The following VPS9D1 variants were observed in gnomAD, a reference collection of about 807,000 sequenced individuals.
The protein encoded by VPS9D1 is VPS9 domain-containing protein 1.
Under a neutral mutation model 75.8 loss-of-function variants are expected in VPS9D1, and 78 were observed. The observed-to-expected ratio is 1.03, with a 90% CI of 0.86 to 1.24. The LOEUF (loss-of-function observed/expected upper bound fraction) is 1.24, where lower values mean the gene tolerates loss of function less well. Ranked by LOEUF, VPS9D1 falls within the 50% of genes most tolerant of loss-of-function variation. VPS9D1 has a pLI of 0.00. For synonymous variants in VPS9D1, 481 were observed against 385.6 expected, an observed-to-expected ratio of 1.25 and a Z score of -2.90; for missense variants, 1,057 against 847.7, an observed-to-expected ratio of 1.25 and a Z score of -3.07.
chr16:89,714,347 C>G (rs372286631), intron 4 of VPS9D1, among the ~76,000 whole-genome samples: 1 of 152,256 alleles, frequency 6.6e-6, no homozygotes, highest in Middle Eastern at 3.4e-3. Flanking sequence ...AGATTGGACA[C>G]CCCTGCTTTA....
chr16:89,708,786 A>G, intron 13 of VPS9D1, 71 bp downstream of exon 13: 1 of 1,414,652 alleles, frequency 7.1e-7, no homozygotes, highest in Non-Finnish European at 9.5e-7. Flanking sequence ...GCAGGAAGAT[A>G]GTCCCTCCCG....
chr16:89,717,830 C>T (rs543899489), intron 2 of VPS9D1: 1 of 456,698 alleles, frequency 2.2e-6, no homozygotes, highest in South Asian at 1.5e-5. Context: ...TTAGCTCCCC[C>T]TGACCTGTGT....
intron 1 of VPS9D1, chr16:89,720,446 C>T (rs980492724): frequency 5.6e-6 from 6 of 1,064,302 alleles, no homozygotes; most frequent in African/African-American, 1.7e-5. Context: ...CACGGACCTG[C>T]CCGTCACTCG....
In VPS9D1 at chr16:89,709,924, G is replaced by A. The variant is rs748293854; in HGVS notation, c.1259-18C>T. The A allele has an allele frequency of 2.0e-5, 32 of 1,586,406 alleles. No homozygotes were observed. Among genetic ancestry groups the A allele is most frequent in the South Asian group, 8.1e-5 (7 of 86,848 alleles). On this transcript the variant is annotated intron_variant, in intron 10 of 14. Transcript: ENST00000389386. ...CAGCCTGTCTGCTAGGAACAGAGCC[G>A]GGGACGTCCACAGAGGCTCCTCCCC...
intron 2 of VPS9D1, 40 bp downstream of exon 2, chr16:89,718,987 T>G: frequency 6.3e-7 from 1 of 1,576,084 alleles, no homozygotes; most frequent in Non-Finnish European, 8.7e-7. Context: ...GTGCTGGGAT[T>G]ACAGGCGTGA....
chr16:89,711,577 C>G (rs1329906724), intron 8 of VPS9D1, 165 bp from the exon 9 acceptor site: 3 of 698,632 alleles, frequency 4.3e-6, no homozygotes, highest in Non-Finnish European at 7.1e-6. Flanking sequence ...CCACCCACAC[C>G]CGAGGGAAAC....
At position 89,711,021 on chromosome 16, in the gene VPS9D1, A is replaced by G; in HGVS notation, c.834-11T>C. 1 of 1,435,980 alleles carries G rather than the reference A, an allele frequency of 7.0e-7. No homozygotes were observed. Among genetic ancestry groups the G allele is most frequent in the Non-Finnish European group, 9.1e-7 (1 of 1,100,022 alleles). 89.0% of individuals were successfully genotyped at this position (1,435,980 alleles called of 1,614,324 possible). A position where few individuals can be genotyped will look rare whatever the true frequency, so the allele number is the denominator to read the frequency against. On this transcript the variant is annotated splice_polypyrimidine_tract_variant and intron_variant, in intron 9 of 14. Coordinates refer to ENST00000389386, the MANE Select transcript of VPS9D1 (RefSeq NM_004913.3). ...GGGTGGTCGGGGAGGCTGCGGGAGA[A>G]GAGGACGTGAGAACGCGGCCAGCCT...
At chr16:89,714,316 G>T (rs576979575) in intron 4 of VPS9D1, among the ~76,000 whole-genome samples, 1 of 152,058 alleles carries the variant, frequency 6.6e-6, no homozygotes, top group African/African-American at 2.4e-5. Flanking sequence ...AATTCTTCCA[G>T]TGTGGCCCAG....
chr16:89,712,295 G>T, intron 6 of VPS9D1, 165 bp downstream of exon 6: 1 of 1,321,198 alleles, frequency 7.6e-7, no homozygotes. Context: ...GGGGGACGGC[G>T]GCCGGGCCTT....
At position 89,708,927 on chromosome 16, in the gene VPS9D1, CACAG is replaced by C; in HGVS notation, c.1623_1626del (p.Cys542ArgfsTer38). The C allele has an allele frequency of 6.2e-7, 1 of 1,604,650 alleles. No individual in the cohort carries two copies. The highest frequency in any genetic ancestry group is 1.1e-5 in the South Asian group (1 of 89,566). On this transcript the variant is annotated frameshift_variant, in exon 13 of 15. Transcript: ENST00000389386. LOFTEE classifies it high-confidence loss of function. ...TCTGGGGTGGGGCAGTAGTCTTCCG[CACAG>C]ACACAGATGATCCGCAGGGTCCGCA...
chr16:89,711,404 C>T lies in VPS9D1; in HGVS notation c.756G>A (p.Pro252=), dbSNP rs748006916. 2.5e-6 allele frequency: 4 copies of T among 1,607,552 alleles called. No homozygotes were observed. In the Admixed American group the frequency reaches 6.8e-5, roughly 27 times the overall value. ...TCTTGAGCTTGGCCTTCCAGTGCTT[C>T]GGCCAGTCCTACGGGACAGGGGGCC... ...ILEYEQDHDW[P]KHWKAKLKRN... The change falls in exon 9 of 15, where the codon CCG becomes CCA. Residue 252 remains proline (P), a synonymous_variant. Transcript: ENST00000389386.
At position 89,710,848 on chromosome 16, in the gene VPS9D1, A is replaced by G. The variant is rs2060899543; in HGVS notation, c.996T>C (p.His332=). ...SRRLRPSQSL[H]CMLSPPEPSA... Reference sequence around the variant, plus strand: ...TGGGCTCGGGCGGGGACAGCATGCAATGGAGGCTCTGCGAGGGCCGCAGCC... The same window carrying G: ...TGGGCTCGGGCGGGGACAGCATGCAGTGGAGGCTCTGCGAGGGCCGCAGCC... Residue 332 remains histidine, a synonymous_variant, in exon 10 of 15, where the codon CAT becomes CAC. Transcript: ENST00000389386. 2.8e-5 allele frequency: 42 copies of G among 1,518,418 alleles called. No individual in the cohort carries two copies. The highest frequency in any genetic ancestry group is 3.5e-5 in the Non-Finnish European group (39 of 1,130,410). 94.1% of individuals were successfully genotyped at this position (1,518,418 alleles called of 1,614,324 possible).
rs534027908 is a variant in VPS9D1, at chr16:89,714,162, T to A, written c.432-1446A>T. Among the ~76,000 whole-genome samples the A allele has an allele frequency of 5.3e-5, 8 of 152,240 alleles. No individual in the cohort carries two copies. The South Asian group carries it at 1.0e-3, about 20-fold the overall frequency. ...CATGTTGGCCAGGCTGATCTCGAAC[T>A]CCTGACCTCAGGTAATCTGCCCGCC... On this transcript the variant is annotated intron_variant, in intron 4 of 14. Coordinates refer to ENST00000389386, the MANE Select transcript of VPS9D1 (RefSeq NM_004913.3).
intron 2 of VPS9D1, chr16:89,718,286 C>T (rs1020843788): frequency 1.7e-5 from 6 of 357,958 alleles, no homozygotes; most frequent in African/African-American, 6.4e-5. Flanking sequence ...CTGGCCACTG[C>T]CATCCTCAGT....
chr16:89,711,413 C>T lies in VPS9D1; in HGVS notation c.748-1G>A. 1 of 1,604,810 alleles carries T rather than the reference C, an allele frequency of 6.2e-7. No homozygotes were observed. The highest frequency in any genetic ancestry group is 1.3e-5 in the African/African-American group (1 of 74,860). ...TGGCCTTCCAGTGCTTCGGCCAGTC[C>T]TACGGGACAGGGGGCCTTGAAGGAA... On this transcript the variant is annotated splice_acceptor_variant, in intron 8 of 14. Transcript: ENST00000389386. LOFTEE classifies it high-confidence loss of function.
At position 89,712,541 on chromosome 16, in the gene VPS9D1, G is replaced by A. The variant is rs746365214; in HGVS notation, c.544-19C>T. The stretch of plus-strand genomic sequence containing the variant: ...AGAGGGTCTGGGGGGGGAGGAGGGA[G>A]TAAGGCCGACTCCCCTCTGCCCCGC... On this transcript the variant is annotated intron_variant, in intron 5 of 14. Transcript: ENST00000389386. 6.2e-7 allele frequency: 1 copy of A among 1,611,588 alleles called. No homozygotes were observed. The highest frequency in any genetic ancestry group is 1.1e-5 in the South Asian group (1 of 91,050).
In VPS9D1 at chr16:89,710,585, C is replaced by T; in HGVS notation, c.1258+1G>A. On this transcript the variant is annotated splice_donor_variant, in intron 10 of 14. Coordinates refer to ENST00000389386, the MANE Select transcript of VPS9D1 (RefSeq NM_004913.3). LOFTEE classifies it high-confidence loss of function. ...CTCTCCCAGGGAGGGCCTGGCCTCA[C>T]CTACGGCATTGTGGATCTCCTCCAC... The T allele has an allele frequency of 6.3e-7, 1 of 1,593,632 alleles. No individual in the cohort carries two copies. The highest frequency in any genetic ancestry group is 8.6e-7 in the Non-Finnish European group (1 of 1,165,080).
At chr16:89,716,660 G>A in intron 3 of VPS9D1, 36 bp from the exon 4 acceptor site, 1 of 1,606,836 alleles carries the variant, frequency 6.2e-7, no homozygotes, top group Non-Finnish European at 8.5e-7. Flanking sequence ...CAAGCGGTGG[G>A]CCACATCCCA....
chr16:89,708,609 C>A (rs980892442), intron 13 of VPS9D1, 78 bp from the exon 14 acceptor site: 1 of 1,410,444 alleles, frequency 7.1e-7, no homozygotes, highest in African/African-American at 1.4e-5. Context: ...TGGAGCCATC[C>A]TGGCCGTGCT....
Sources: allele counts gnomAD v4.1 joint callset (sites outside exome capture counted in the v4.1 genomes callset), GRCh38; gene constraint gnomAD v4.1.1; transcripts MANE v1.5; gene names NCBI Gene and HGNC (gene_info 2026-07-23, HGNC 2026-07-21).